CHODL: variants seen among roughly 807,000 people sequenced by gnomAD.
CHODL encodes the protein transmembrane protein MT75.
In CHODL, 29 loss-of-function variants were observed where a neutral mutation model predicts 34.5. That is an observed-to-expected ratio of 0.84 (90% CI 0.63 to 1.15). The LOEUF (loss-of-function observed/expected upper bound fraction) is 1.15. CHODL is among the 50% of genes most tolerant of loss of function. The pLI is 0.00. For missense variants in CHODL, 332 were observed against 332.5 expected (o/e 1.00, Z 0.01); for synonymous variants, 125 against 116.1 (o/e 1.08, Z -0.49).
intron 1 of CHODL, among the ~76,000 whole-genome samples, chr21:18,015,551 A>T (rs1600897358): frequency 6.6e-6 from 1 of 152,138 alleles, no homozygotes; most frequent in Admixed American, 6.5e-5. Context: ...ATCCCTGAAA[A>T]TGGGGAAGTG....
chr21:18,165,428 CTA>C (rs2146649646), intron 2 of CHODL, among the ~76,000 whole-genome samples: 1 of 152,312 alleles, frequency 6.6e-6, no homozygotes, highest in East Asian at 1.9e-4. Flanking sequence ...ATTCTGGTAT[CTA>C]TTGCTGCATA....
intron 2 of CHODL, among the ~76,000 whole-genome samples, chr21:18,180,694 T>A (rs2073371363): frequency 6.6e-6 from 1 of 152,186 alleles, no homozygotes; most frequent in Admixed American, 6.5e-5. Context: ...CTGGAGCAAA[T>A]TCTAAACGTG....
At chr21:18,174,125 A>G (rs1198173117) in intron 2 of CHODL, among the ~76,000 whole-genome samples, 2 of 7,216 alleles carry the variant, frequency 2.8e-4, no homozygotes, top group Admixed American at 1.2e-3. Context: ...ATCTTGGTGT[A>G]TATATATATA....
intron 2 of CHODL, among the ~76,000 whole-genome samples, chr21:18,038,449 A>G (rs1030576314): frequency 6.6e-6 from 1 of 151,766 alleles, no homozygotes; most frequent in Non-Finnish European, 1.5e-5. Flanking sequence ...CGAATTCAGG[A>G]ATCCAGTTAA....
At chr21:18,030,102 T>G (rs2064229987) in intron 2 of CHODL, among the ~76,000 whole-genome samples, 1 of 151,994 alleles carries the variant, frequency 6.6e-6, no homozygotes, top group African/African-American at 2.4e-5. Flanking sequence ...TCTTTGAGAG[T>G]GGGCTGGACC....
intron 1 of CHODL, among the ~76,000 whole-genome samples, chr21:18,024,470 T>C (rs961128345): frequency 1.3e-5 from 2 of 152,208 alleles, no homozygotes; most frequent in Non-Finnish European, 2.9e-5. Flanking sequence ...AAAATGGGTA[T>C]AATGAAATTT....
intron 2 of CHODL, among the ~76,000 whole-genome samples, chr21:18,169,618 T>C (rs1397204991): frequency 1.3e-5 from 2 of 152,090 alleles, no homozygotes. Context: ...ATTTCTGCTG[T>C]AATCTTTACT....
intron 2 of CHODL, among the ~76,000 whole-genome samples, chr21:18,120,413 A>T (rs1344471303): frequency 1.3e-5 from 2 of 152,126 alleles, no homozygotes; most frequent in African/African-American, 4.8e-5. Context: ...TTTGTTTCCT[A>T]TGGCTGTTTT....
At chr21:18,229,611 C>T (rs545630547) in intron 2 of CHODL, among the ~76,000 whole-genome samples, 92 of 152,124 alleles carry the variant, frequency 6.0e-4, no homozygotes, top group African/African-American at 2.0e-3. Context: ...ATGGGATGGA[C>T]GCTCATAATT....
At chr21:17,944,760 C>G (rs1011534690) in intron 1 of CHODL, among the ~76,000 whole-genome samples, 4 of 152,218 alleles carry the variant, frequency 2.6e-5, no homozygotes, top group African/African-American at 9.6e-5. Flanking sequence ...CTGAGGTCAT[C>G]AGCTGGCACT....
Position 18,117,111 on chromosome 21 carries a change from C to T in CHODL, c.-45+89140C>T, listed in dbSNP as rs529788559. On this transcript the variant is annotated intron_variant, in intron 2 of 6. Coordinates refer to the CHODL transcript ENST00000400127. ...ATCAATAGCAAAGCAGGATGTTAAA[C>T]GGCAGAGTACAGTAGCTGATGCTAT... Among the ~76,000 whole-genome samples the T allele has an allele frequency of 3.9e-5, 6 of 152,268 alleles. No individual in the cohort carries two copies. The South Asian group carries it at 6.2e-4, about 16-fold the overall frequency.
chr21:18,189,739 A>T (rs191746077), intron 2 of CHODL, among the ~76,000 whole-genome samples: 131 of 148,156 alleles, frequency 8.8e-4, no homozygotes, highest in African/African-American at 3.1e-3. Context: ...GGTTCAAGCG[A>T]TTCTCCTGTC....
chr21:17,991,856 A>G (rs1416443821), intron 1 of CHODL, among the ~76,000 whole-genome samples: 2 of 152,058 alleles, frequency 1.3e-5, no homozygotes, highest in African/African-American at 4.8e-5. Flanking sequence ...ATTTGAAGTC[A>G]TAGCCATTTG....
intron 2 of CHODL, among the ~76,000 whole-genome samples, chr21:18,166,458 C>T (rs1475877387): frequency 2.0e-5 from 3 of 152,132 alleles, no homozygotes; most frequent in Non-Finnish European, 4.4e-5. Context: ...GTTTTGACTA[C>T]ACTCAAAGGG....
intron 1 of CHODL, among the ~76,000 whole-genome samples, chr21:17,950,427 G>C (rs1422694663): frequency 6.6e-6 from 1 of 151,208 alleles, no homozygotes; most frequent in African/African-American, 2.4e-5. Flanking sequence ...TGATGCTACT[G>C]TCTCTGGTTA....
Position 17,991,908 on chromosome 21 carries a change from T to C in CHODL, c.-144-35964T>C, listed in dbSNP as rs368899263. Among the ~76,000 whole-genome samples, 4 of 152,300 alleles carry C rather than the reference T, an allele frequency of 2.6e-5. No homozygotes were observed. In the East Asian group the frequency reaches 5.8e-4, roughly 22 times the overall value. The stretch of plus-strand genomic sequence containing the variant: ...CATAAAACCTTTGCCTTAATCAATG[T>C]CATGATGCATTTCCCCTATGTTTTC... On this transcript the variant is annotated intron_variant, in intron 1 of 6. Transcript: ENST00000400127.
intron 2 of CHODL, among the ~76,000 whole-genome samples, chr21:18,138,994 ATAT>A (rs1441355907): frequency 2.0e-5 from 3 of 152,064 alleles, no homozygotes; most frequent in Non-Finnish European, 4.4e-5. Flanking sequence ...AGTTTGGGTA[ATAT>A]TATATTTTAT....
intron 1 of CHODL, among the ~76,000 whole-genome samples, chr21:18,000,156 A>G (rs2063891927): frequency 6.6e-6 from 1 of 152,098 alleles, no homozygotes; most frequent in Admixed American, 6.5e-5. Flanking sequence ...TGGTCTGGCA[A>G]TTCACTTCAG....
intron 2 of CHODL, among the ~76,000 whole-genome samples, chr21:18,060,245 A>G (rs1024965576): frequency 6.6e-6 from 1 of 152,086 alleles, no homozygotes; most frequent in African/African-American, 2.4e-5. Flanking sequence ...GCTTGAGTTC[A>G]GGAGTTTGAG....
Sources: allele counts gnomAD v4.1 joint callset (sites outside exome capture counted in the v4.1 genomes callset), GRCh38; gene constraint gnomAD v4.1.1; transcripts MANE v1.5; gene names NCBI Gene and HGNC (gene_info 2026-07-23, HGNC 2026-07-21).